Variants in LDAH observed in about 807,000 individuals in gnomAD.
LDAH encodes the protein lipid droplet-associated hydrolase.
Under a neutral mutation model 29.6 loss-of-function variants are expected in LDAH, and 26 were observed. That is an observed-to-expected ratio of 0.88 (90% CI 0.64 to 1.22). The LOEUF is 1.22. LDAH is among the 50% of genes most tolerant of loss of function. LDAH has a pLI of 0.00. For missense variants in LDAH, 344 were observed against 387.3 expected (o/e 0.89, Z 0.94); for synonymous variants, 117 against 133.0 (o/e 0.88, Z 0.83).
chr2:20,751,475 C>T (rs1457271271), intron 4 of LDAH, among the ~76,000 whole-genome samples: 1 of 152,136 alleles, frequency 6.6e-6, no homozygotes, highest in Non-Finnish European at 1.5e-5. Context: ...AATGAGGAGA[C>T]TATGAAACAA....
At chr2:20,787,084 G>C (rs1411992091) in intron 3 of LDAH, among the ~76,000 whole-genome samples, 1 of 152,160 alleles carries the variant, frequency 6.6e-6, no homozygotes, top group Non-Finnish European at 1.5e-5. Flanking sequence ...AAAATAGTCT[G>C]TACTTTACCC....
chr2:20,822,291 AT>A, intron 1 of LDAH, among the ~76,000 whole-genome samples: 1 of 151,882 alleles, frequency 6.6e-6, no homozygotes, highest in Non-Finnish European at 1.5e-5. Flanking sequence ...CGCCCGGCTA[AT>A]TTATTTATTT....
At chr2:20,700,854 T>C (rs1663876904) in intron 6 of LDAH, among the ~76,000 whole-genome samples, 1 of 152,212 alleles carries the variant, frequency 6.6e-6, no homozygotes, top group Admixed American at 6.5e-5. Flanking sequence ...TGAAATCCAA[T>C]GTGTGTTTTA....
In LDAH at chr2:20,775,303, A is replaced by G. The variant is rs61611046; in HGVS notation, c.299-324T>C. ...CCTCAAAGTCCATGAACTTTCAATAATTCTGTGTATTACTGTTAGCTTAGG... is the reference window on the plus strand; with the variant it reads ...CCTCAAAGTCCATGAACTTTCAATAGTTCTGTGTATTACTGTTAGCTTAGG... On this transcript the variant is annotated intron_variant, in intron 3 of 6. Coordinates refer to ENST00000237822, the MANE Select transcript of LDAH (RefSeq NM_021925.4). Among the ~76,000 whole-genome samples, 497 of 152,270 alleles carry G rather than the reference A, an allele frequency of 3.3e-3. 2 individuals carry two copies. The highest frequency in any genetic ancestry group is 0.011 in the African/African-American group (475 of 41,542).
intron 4 of LDAH, among the ~76,000 whole-genome samples, chr2:20,770,476 C>T (rs769017216): frequency 2.6e-5 from 4 of 152,126 alleles, no homozygotes; most frequent in African/African-American, 9.7e-5. Flanking sequence ...CAACTCAACT[C>T]CCAAACTTGA....
chr2:20,772,482 C>A (rs778089917), intron 4 of LDAH, among the ~76,000 whole-genome samples: 1 of 152,192 alleles, frequency 6.6e-6, no homozygotes, highest in Non-Finnish European at 1.5e-5. Flanking sequence ...ATGTTCTTGA[C>A]TGCACAACAC....
intron 3 of LDAH, 109 bp downstream of exon 3, chr2:20,790,143 CTAA>C: frequency 9.1e-7 from 1 of 1,097,230 alleles, no homozygotes; most frequent in Admixed American, 2.4e-5. Flanking sequence ...CACCATGGGC[CTAA>C]TGCCACAAGC....
intron 2 of LDAH, among the ~76,000 whole-genome samples, chr2:20,795,972 CACACACACACACAA>C (rs1322501968): frequency 3.8e-4 from 58 of 151,680 alleles, no homozygotes; most frequent in African/African-American, 1.2e-3. Context: ...CACACACACA[CACACACACACACAA>C]AATACAATTC....
chr2:20,744,456 C>T (rs929168568), intron 4 of LDAH, among the ~76,000 whole-genome samples: 11 of 152,044 alleles, frequency 7.2e-5, no homozygotes, highest in Non-Finnish European at 2.9e-5. Flanking sequence ...ATTCTTCTCC[C>T]CTCTTTGGTA....
intron 4 of LDAH, among the ~76,000 whole-genome samples, chr2:20,760,136 T>TA (rs888656510): frequency 5.9e-5 from 9 of 151,974 alleles, no homozygotes; most frequent in Non-Finnish European, 1.0e-4. Flanking sequence ...GTAATGTTAA[T>TA]AAAAAAATTG....
At chr2:20,807,189 CA>C (rs897754858) in intron 1 of LDAH, among the ~76,000 whole-genome samples, 13 of 151,888 alleles carry the variant, frequency 8.6e-5, no homozygotes, top group African/African-American at 3.1e-4. Context: ...AACAAACAAA[CA>C]AAAAAACCAA....
intron 5 of LDAH, among the ~76,000 whole-genome samples, chr2:20,719,690 T>TC (rs1289719515): frequency 6.6e-6 from 1 of 152,026 alleles, no homozygotes; most frequent in African/African-American, 2.4e-5. Flanking sequence ...CACAGGCCAA[T>TC]ATAACTGATG....
At chr2:20,774,232 T>C (rs906703027) in intron 4 of LDAH, among the ~76,000 whole-genome samples, 5 of 152,226 alleles carry the variant, frequency 3.3e-5, no homozygotes, top group African/African-American at 1.2e-4. Context: ...GGTCTTTGCG[T>C]CTCTAGCGCC....
At chr2:20,792,228 G>A (rs545062601) in intron 2 of LDAH, among the ~76,000 whole-genome samples, 12 of 151,876 alleles carry the variant, frequency 7.9e-5, no homozygotes, top group Admixed American at 2.6e-4. Context: ...CATGTCTTAC[G>A]TTGCTCATAG....
At chr2:20,801,984 G>C (rs555078659) in intron 1 of LDAH, among the ~76,000 whole-genome samples, 1 of 150,372 alleles carries the variant, frequency 6.7e-6, no homozygotes, top group East Asian at 1.9e-4. Context: ...GTGTATGTAT[G>C]AATATGTGTG....
At chr2:20,748,745 A>G (rs1317884689) in intron 4 of LDAH, among the ~76,000 whole-genome samples, 1 of 152,226 alleles carries the variant, frequency 6.6e-6, no homozygotes, top group African/African-American at 2.4e-5. Context: ...TAGCTACAAA[A>G]TTCTCACATG....
intron 2 of LDAH, among the ~76,000 whole-genome samples, chr2:20,790,837 A>G (rs1670896542): frequency 1.3e-5 from 2 of 152,198 alleles, no homozygotes; most frequent in African/African-American, 2.4e-5. Context: ...CTACAAGTAC[A>G]TGTAGATTTT....
chr2:20,686,840 A>G lies in LDAH; in HGVS notation c.*63T>C, dbSNP rs1662593575. 7.2e-7 allele frequency: 1 copy of G among 1,384,032 alleles called. No individual in the cohort carries two copies. The allele number at this position is 1,384,032 out of a possible 1,614,324, so 85.7% of individuals were successfully genotyped here. A position where few individuals can be genotyped will look rare whatever the true frequency, so the allele number is the denominator to read the frequency against. ...AGTCTTCAAAATTAAACATTTACCT[A>G]CTAAGTCTAGTACACTGACTGCCTC... On this transcript the variant is annotated 3_prime_UTR_variant, in exon 7 of 7. Coordinates refer to ENST00000237822, the MANE Select transcript of LDAH (RefSeq NM_021925.4).
chr2:20,712,097 C>T (rs1473970932), intron 5 of LDAH, among the ~76,000 whole-genome samples: 1 of 152,210 alleles, frequency 6.6e-6, no homozygotes, highest in African/African-American at 2.4e-5. Flanking sequence ...GGGTCCCTGA[C>T]CCCCATGTAC....
Sources: allele counts gnomAD v4.1 joint callset (sites outside exome capture counted in the v4.1 genomes callset), GRCh38; gene constraint gnomAD v4.1.1; transcripts MANE v1.5; gene names NCBI Gene and HGNC (gene_info 2026-07-23, HGNC 2026-07-21).